NDUFAF2: variants seen among roughly 807,000 people sequenced by gnomAD.
NDUFAF2 encodes the protein NADH:ubiquinone oxidoreductase complex assembly factor 2.
NDUFAF2 carries 13 observed loss-of-function variants against 22.8 expected under a neutral mutation model. The observed-to-expected ratio is 0.57, with a 90% CI of 0.37 to 0.91. The LOEUF (loss-of-function observed/expected upper bound fraction) is 0.91, where lower values mean the gene tolerates loss of function less well. Ranked by LOEUF, NDUFAF2 falls within the 40% of genes least tolerant of loss-of-function variation. NDUFAF2 has a pLI of 0.01. For synonymous variants in NDUFAF2, 53 were observed against 64.2 expected, an observed-to-expected ratio of 0.83 and a Z score of 0.84; for missense variants, 162 against 195.2, an observed-to-expected ratio of 0.83 and a Z score of 1.01.
chr5:61,028,271 G>T (rs1178217746), intron 1 of NDUFAF2, among the ~76,000 whole-genome samples: 1 of 151,930 alleles, frequency 6.6e-6, no homozygotes, highest in Non-Finnish European at 1.5e-5. Context: ...ACCACAATTT[G>T]CTATGTGCAT....
At chr5:61,070,596 T>TACACACACACACACACAC (rs10651718) in intron 1 of NDUFAF2, among the ~76,000 whole-genome samples, 1 of 147,974 alleles carries the variant, frequency 6.8e-6, no homozygotes, top group African/African-American at 2.5e-5. Flanking sequence ...TGTCTTTGCA[T>TACACACACACACACACAC]ACACACACAC....
chr5:61,131,680 CA>C (rs1753113479), intron 3 of NDUFAF2, among the ~76,000 whole-genome samples: 1 of 151,574 alleles, frequency 6.6e-6, no homozygotes, highest in Non-Finnish European at 1.5e-5. Context: ...TATATTGACA[CA>C]AAAAAGATGT....
At position 61,152,846 on chromosome 5, in the gene NDUFAF2, C is replaced by T; in HGVS notation, c.401C>T (p.Ser134Phe). The T allele has an allele frequency of 6.2e-7, 1 of 1,608,532 alleles. No individual in the cohort carries two copies. The highest frequency in any genetic ancestry group is 2.2e-5 in the East Asian group (1 of 44,506). ...PVQTQIKGHASAPYFGKEEPS... is the reference protein window; with the variant it reads ...PVQTQIKGHAFAPYFGKEEPS... ...CAAACTCAAATTAAAGGCCATGCCTCTGCTCCATACTTTGGAAAGGAAGAA... is the reference window on the plus strand; with the variant it reads ...CAAACTCAAATTAAAGGCCATGCCTTTGCTCCATACTTTGGAAAGGAAGAA... Residue 134 changes from serine to phenylalanine, a missense_variant, in exon 4 of 4, where the codon TCT (serine) becomes TTT (phenylalanine). By Grantham distance (155) the Ser-to-Phe change is radical (BLOSUM62 -2). This residue lies in a region of NDUFAF2 where 68 missense variants were observed against 110.0 expected (regional missense o/e 0.62). Transcript: ENST00000296597.
chr5:60,991,230 A>T (rs1751154265), intron 1 of NDUFAF2, among the ~76,000 whole-genome samples: 1 of 152,152 alleles, frequency 6.6e-6, no homozygotes, highest in South Asian at 2.1e-4. Flanking sequence ...TATGGGGTAC[A>T]TGAGATTATG....
At chr5:61,133,656 T>C (rs571595346) in intron 3 of NDUFAF2, among the ~76,000 whole-genome samples, 12 of 152,352 alleles carry the variant, frequency 7.9e-5, no homozygotes, top group African/African-American at 2.9e-4. Flanking sequence ...TTTGGATTTA[T>C]AATACAACTG....
At chr5:61,105,744 A>G (rs953630673) in intron 3 of NDUFAF2, among the ~76,000 whole-genome samples, 2 of 151,410 alleles carry the variant, frequency 1.3e-5, no homozygotes, top group Non-Finnish European at 2.9e-5. Context: ...TCAAACATGT[A>G]AGTTCACTCT....
At chr5:61,006,417 C>T (rs2112594269) in intron 1 of NDUFAF2, among the ~76,000 whole-genome samples, 1 of 152,230 alleles carries the variant, frequency 6.6e-6, no homozygotes, top group Non-Finnish European at 1.5e-5. Flanking sequence ...ATTGACTTGG[C>T]AATGCGATCT....
chr5:61,085,063 C>T (rs1752490139), intron 2 of NDUFAF2, among the ~76,000 whole-genome samples: 1 of 152,014 alleles, frequency 6.6e-6, no homozygotes, highest in South Asian at 2.1e-4. Context: ...TTTATTAGGC[C>T]CTGTTTAACC....
intron 3 of NDUFAF2, among the ~76,000 whole-genome samples, chr5:61,119,162 A>T (rs1283094008): frequency 2.0e-5 from 3 of 152,198 alleles, no homozygotes; most frequent in African/African-American, 7.2e-5. Context: ...TTGTCACAGT[A>T]ATGTGCATAC....
At position 61,040,284 on chromosome 5, in the gene NDUFAF2, A is replaced by ACG. The variant is rs1297710611; in HGVS notation, c.128-32840_128-32839insGC. On this transcript the variant is annotated intron_variant, in intron 1 of 3. Transcript: ENST00000296597. Reference sequence around the variant, plus strand: ...CACACACACACACACACACACACACACACGCGCGCGCGCGCGCGAAAGTTG... The same window carrying ACG: ...CACACACACACACACACACACACACACGCACGCGCGCGCGCGCGCGAAAGTTG... Among the ~76,000 whole-genome samples, 850 of 87,158 alleles carry ACG rather than the reference A, an allele frequency of 9.8e-3. 5 individuals carry two copies. Among genetic ancestry groups the ACG allele is most frequent in the African/African-American group, 0.04 (726 of 18,332 alleles). 57.2% of individuals were successfully genotyped at this position (87,158 alleles called of 152,430 possible).
chr5:60,959,858 A>T (rs1343098170), intron 1 of NDUFAF2, among the ~76,000 whole-genome samples: 1 of 152,052 alleles, frequency 6.6e-6, no homozygotes. Context: ...GAATTCCCTT[A>T]GTTCGTGTGT....
chr5:61,030,643 ATC>A (rs137992493), intron 1 of NDUFAF2, among the ~76,000 whole-genome samples: 2,018 of 152,200 alleles, frequency 0.013, 50 homozygotes, highest in African/African-American at 0.046. Context: ...TGTGAAGTCA[ATC>A]TATTTTATTA....
At chr5:61,010,923 G>A (rs1226183639) in intron 1 of NDUFAF2, among the ~76,000 whole-genome samples, 3 of 152,044 alleles carry the variant, frequency 2.0e-5, no homozygotes, top group Non-Finnish European at 4.4e-5. Context: ...TGGCTAGAAT[G>A]TGAATGTGCT....
intron 1 of NDUFAF2, among the ~76,000 whole-genome samples, chr5:60,987,147 A>G (rs1487060474): frequency 6.6e-6 from 1 of 152,180 alleles, no homozygotes; most frequent in Non-Finnish European, 1.5e-5. Flanking sequence ...TACTATGAGT[A>G]CCTCTATATA....
intron 1 of NDUFAF2, among the ~76,000 whole-genome samples, chr5:60,959,647 C>T (rs537889943): frequency 3.9e-5 from 6 of 152,112 alleles, no homozygotes; most frequent in South Asian, 4.2e-4. Context: ...TTGATTTTAG[C>T]TAAAACATGC....
intron 1 of NDUFAF2, among the ~76,000 whole-genome samples, chr5:60,951,395 G>A (rs1209890800): frequency 6.6e-6 from 1 of 152,108 alleles, no homozygotes; most frequent in African/African-American, 2.4e-5. Flanking sequence ...TTATTCGTTT[G>A]CATATTGAAG....
intron 2 of NDUFAF2, among the ~76,000 whole-genome samples, chr5:61,088,110 C>G (rs1356776016): frequency 6.6e-6 from 1 of 151,986 alleles, no homozygotes; most frequent in Non-Finnish European, 1.5e-5. Context: ...AGACTGAGAG[C>G]TTCACTTTTT....
intron 1 of NDUFAF2, among the ~76,000 whole-genome samples, chr5:61,027,616 G>T (rs1446677044): frequency 6.6e-6 from 1 of 151,772 alleles, no homozygotes; most frequent in Non-Finnish European, 1.5e-5. Context: ...CATTACTCAG[G>T]CATACACATT....
At chr5:60,973,564 G>C (rs1750863867) in intron 1 of NDUFAF2, among the ~76,000 whole-genome samples, 1 of 152,192 alleles carries the variant, frequency 6.6e-6, no homozygotes, top group South Asian at 2.1e-4. Context: ...CAGAAAGTGA[G>C]CTTTGCGAAC....
Sources: allele counts gnomAD v4.1 joint callset (sites outside exome capture counted in the v4.1 genomes callset), GRCh38; gene constraint gnomAD v4.1.1; regional missense constraint gnomAD v4.1.1; transcripts MANE v1.5; gene names NCBI Gene and HGNC (gene_info 2026-07-23, HGNC 2026-07-21).